The following TMPRSS15 variants were observed in gnomAD, a reference collection of about 807,000 sequenced individuals.
The protein encoded by TMPRSS15 is transmembrane serine protease 15.
TMPRSS15 carries 128 observed loss-of-function variants against 125.3 expected under a neutral mutation model. The observed-to-expected ratio is 1.02, with a 90% CI of 0.89 to 1.18. The LOEUF is 1.18. Ranked by LOEUF, TMPRSS15 falls within the 50% of genes most tolerant of loss-of-function variation. The pLI is 0.00. For synonymous variants in TMPRSS15, 446 were observed against 423.2 expected, an observed-to-expected ratio of 1.05 and a Z score of -0.66; for missense variants, 1,283 against 1,212.7, an observed-to-expected ratio of 1.06 and a Z score of -0.86.
At chr21:18,417,621 C>T (rs1197140712) in intron 1 of TMPRSS15, among the ~76,000 whole-genome samples, 2 of 152,050 alleles carry the variant, frequency 1.3e-5, no homozygotes, top group Admixed American at 6.6e-5. Context: ...TCTCAATAAC[C>T]GTGTGATAAA....
At chr21:18,371,819 A>G (rs1275942197) in intron 6 of TMPRSS15, among the ~76,000 whole-genome samples, 5 of 152,132 alleles carry the variant, frequency 3.3e-5, no homozygotes, top group African/African-American at 1.2e-4. Flanking sequence ...GAGAATGTCT[A>G]TCACAGAAGT....
chr21:18,453,923 C>A (rs1978388292), intron 1 of TMPRSS15, among the ~76,000 whole-genome samples: 1 of 152,116 alleles, frequency 6.6e-6, no homozygotes, highest in East Asian at 1.9e-4. Context: ...CAATATTCCA[C>A]CTGTATGAAG....
At chr21:18,281,254 C>A in intron 21 of TMPRSS15, 33 bp from the exon 22 acceptor site, 1 of 1,585,446 alleles carries the variant, frequency 6.3e-7, no homozygotes, top group Non-Finnish European at 8.7e-7. Flanking sequence ...ATGAGACACT[C>A]TCCATCCAAA....
chr21:18,304,081 T>C (rs989331254), intron 18 of TMPRSS15, among the ~76,000 whole-genome samples: 3 of 152,194 alleles, frequency 2.0e-5, no homozygotes, highest in African/African-American at 7.2e-5. Context: ...TTCTCAGATT[T>C]CTGATGCAGG....
intron 7 of TMPRSS15, among the ~76,000 whole-genome samples, 157 bp downstream of exon 7, chr21:18,364,983 G>T (rs896958169): frequency 6.6e-6 from 1 of 152,166 alleles, no homozygotes; most frequent in Non-Finnish European, 1.5e-5. Flanking sequence ...GGTTAAAAAT[G>T]ATAGTATAGT....
chr21:18,461,749 A>G (rs1978555115), intron 1 of TMPRSS15, among the ~76,000 whole-genome samples: 2 of 152,114 alleles, frequency 1.3e-5, no homozygotes, highest in Admixed American at 1.3e-4. Flanking sequence ...TAGTAAAACT[A>G]TATAATTTTT....
chr21:18,431,989 T>C (rs2076217160), intron 1 of TMPRSS15, among the ~76,000 whole-genome samples: 1 of 152,178 alleles, frequency 6.6e-6, no homozygotes, highest in African/African-American at 2.4e-5. Flanking sequence ...AATTATTGGG[T>C]GAATATTCAA....
upstream of TMPRSS15, among the ~76,000 whole-genome samples, chr21:18,406,501 C>G (rs2076152243): frequency 6.6e-6 from 1 of 151,862 alleles, no homozygotes; most frequent in Non-Finnish European, 1.5e-5. Flanking sequence ...AGATAAAAGA[C>G]AAGTAGCAGG....
chr21:18,391,837 A>T (rs1370889942), intron 3 of TMPRSS15, among the ~76,000 whole-genome samples: 1 of 152,234 alleles, frequency 6.6e-6, no homozygotes, highest in Non-Finnish European at 1.5e-5. Context: ...ATGTTTCCAT[A>T]CATCCTCTGA....
Position 18,332,064 on chromosome 21 carries a change from C to T in TMPRSS15, c.1654+20G>A, listed in dbSNP as rs1452968366. On this transcript the variant is annotated intron_variant, in intron 14 of 24. Transcript: ENST00000284885. ...CATATGGACATTTGTTTCTGATGACCTGGAAAAGAAATGACTCACAGAAAG... is the reference window on the plus strand; with the variant it reads ...CATATGGACATTTGTTTCTGATGACTTGGAAAAGAAATGACTCACAGAAAG... 1.2e-6 allele frequency: 2 copies of T among 1,601,132 alleles called. No individual in the cohort carries two copies. Among genetic ancestry groups the T allele is most frequent in the Admixed American group, 3.3e-5 (2 of 59,958 alleles).
chr21:18,380,686 T>C, intron 4 of TMPRSS15: 1 of 411,612 alleles, frequency 2.4e-6, no homozygotes, highest in African/African-American at 2.1e-5. Context: ...CATCTGATCC[T>C]TTGGAGTTCC....
intron 1 of TMPRSS15, among the ~76,000 whole-genome samples, chr21:18,467,102 C>T (rs1032538506): frequency 1.3e-5 from 2 of 152,112 alleles, no homozygotes. Flanking sequence ...CGTTCATGTC[C>T]TTTGCAGGGA....
chr21:18,296,001 A>C (rs1249378433), intron 19 of TMPRSS15, among the ~76,000 whole-genome samples: 1 of 152,086 alleles, frequency 6.6e-6, no homozygotes, highest in East Asian at 1.9e-4. Context: ...AAATACACAA[A>C]AATTAGCCAG....
rs777389000 is a variant in TMPRSS15, at chr21:18,294,263, C to T, written c.2486+7G>A. 1 of 1,614,066 alleles carries T rather than the reference C, an allele frequency of 6.2e-7. No homozygotes were observed. Among genetic ancestry groups the T allele is most frequent in the Non-Finnish European group, 8.5e-7 (1 of 1,180,048 alleles). On this transcript the variant is annotated splice_region_variant and intron_variant, in intron 21 of 24. Transcript: ENST00000284885. ...GTTTGGGAAGGGACACTTGACATCA[C>T]ACTCACCCATACACGCAGTGTGCGG...
At chr21:18,308,655 ATAGG>A (rs1188152838) in intron 18 of TMPRSS15, among the ~76,000 whole-genome samples, 1 of 151,296 alleles carries the variant, frequency 6.6e-6, no homozygotes, top group Non-Finnish European at 1.5e-5. Flanking sequence ...GTTTTGTTAC[ATAGG>A]TATACATGTG....
intron 16 of TMPRSS15, among the ~76,000 whole-genome samples, chr21:18,322,251 C>T (rs2146954594): frequency 6.6e-6 from 1 of 152,290 alleles, no homozygotes; most frequent in South Asian, 2.1e-4. Context: ...AACATTTATA[C>T]ACCTTTGGTA....
At chr21:18,290,460 A>G (rs2074820163) in intron 21 of TMPRSS15, among the ~76,000 whole-genome samples, 1 of 152,012 alleles carries the variant, frequency 6.6e-6, no homozygotes, top group South Asian at 2.1e-4. Context: ...GTTCTCAAAG[A>G]GTAGGACTAT....
intron 1 of TMPRSS15, among the ~76,000 whole-genome samples, chr21:18,434,094 T>C (rs2076222795): frequency 1.3e-5 from 2 of 152,178 alleles, no homozygotes; most frequent in Non-Finnish European, 2.9e-5. Flanking sequence ...TTTTCTTTCA[T>C]GTGAAATGGC....
upstream of TMPRSS15, among the ~76,000 whole-genome samples, chr21:18,408,527 A>C (rs1261611093): frequency 6.6e-6 from 1 of 152,168 alleles, no homozygotes; most frequent in Non-Finnish European, 1.5e-5. Flanking sequence ...TGATGGTTCC[A>C]AGTTGATATG....
Sources: allele counts gnomAD v4.1 joint callset (sites outside exome capture counted in the v4.1 genomes callset), GRCh38; gene constraint gnomAD v4.1.1; transcripts MANE v1.5; gene names NCBI Gene and HGNC (gene_info 2026-07-23, HGNC 2026-07-21).